FOXO3: variants seen among roughly 807,000 people sequenced by gnomAD.
FOXO3 encodes forkhead box protein O3.
A neutral mutation model predicts 41.9 loss-of-function variants in FOXO3; 4 were observed. The observed-to-expected ratio is 0.10, with a 90% CI of 0.05 to 0.22. FOXO3 has a LOEUF of 0.22. Ranked by LOEUF, FOXO3 falls within the 10% of genes least tolerant of loss-of-function variation. FOXO3 has a pLI of 1.00. For synonymous variants in FOXO3, 318 were observed against 389.3 expected, an observed-to-expected ratio of 0.82 and a Z score of 2.16; for missense variants, 534 against 906.8, an observed-to-expected ratio of 0.59 and a Z score of 5.28.
intron 1 of FOXO3, among the ~76,000 whole-genome samples, chr6:108,630,437 G>C (rs1777934063): frequency 6.6e-6 from 1 of 152,156 alleles, no homozygotes; most frequent in South Asian, 2.1e-4. Context: ...GTATGTCTTT[G>C]TGGCTGTGAG....
At chr6:108,574,152 CA>C (rs1200932714) in intron 1 of FOXO3, among the ~76,000 whole-genome samples, 507 of 72,798 alleles carry the variant, frequency 7.0e-3, no homozygotes, top group Middle Eastern at 0.023. Flanking sequence ...GACTCTGTCT[CA>C]AAAAAAAAAA....
chr6:108,647,603 A>G (rs1164739834), intron 1 of FOXO3, among the ~76,000 whole-genome samples: 1 of 152,218 alleles, frequency 6.6e-6, no homozygotes, highest in East Asian at 1.9e-4. Flanking sequence ...ATCAAAGAGC[A>G]CATTATTTGA....
rs527443373 is a variant in FOXO3 at position 108,682,896 on chromosome 6, A to C, written c.*3104A>C. 6.5e-6 allele frequency: 1 copy of C among 152,760 alleles called. No homozygotes were observed. Among genetic ancestry groups the C allele is most frequent in the African/African-American group, 2.4e-5 (1 of 41,582 alleles). 9.5% of individuals were successfully genotyped at this position (152,760 alleles called of 1,614,324 possible). On this transcript the variant is annotated 3_prime_UTR_variant, in exon 3 of 3. Transcript: ENST00000406360. Reference sequence around the variant, plus strand: ...TTGATGAGAAATTAGAAGAGTACCTAATGTTGAAAACATGACATGCGCTCT... The same window carrying C: ...TTGATGAGAAATTAGAAGAGTACCTCATGTTGAAAACATGACATGCGCTCT...
chr6:108,619,557 G>C (rs1005853140), intron 1 of FOXO3, among the ~76,000 whole-genome samples: 5 of 152,170 alleles, frequency 3.3e-5, no homozygotes, highest in African/African-American at 1.2e-4. Flanking sequence ...AACTGAAAGT[G>C]GAATATAGTG....
chr6:108,563,724 A>C (rs955245666), intron 1 of FOXO3, among the ~76,000 whole-genome samples: 1 of 152,258 alleles, frequency 6.6e-6, no homozygotes, highest in Non-Finnish European at 1.5e-5. Flanking sequence ...AGGTTACAAA[A>C]ATAATTTAAT....
intron 1 of FOXO3, among the ~76,000 whole-genome samples, chr6:108,635,266 G>A (rs1403468746): frequency 6.6e-6 from 1 of 152,012 alleles, no homozygotes; most frequent in Non-Finnish European, 1.5e-5. Flanking sequence ...CTGTACTGTG[G>A]CCTGGGCAAC....
At chr6:108,609,307 A>G (rs953171440) in intron 1 of FOXO3, among the ~76,000 whole-genome samples, 2 of 152,286 alleles carry the variant, frequency 1.3e-5, no homozygotes, top group African/African-American at 4.8e-5. Context: ...GACAGATTTC[A>G]CTTTGTTCCT....
chr6:108,617,245 G>T (rs1376493040), intron 1 of FOXO3, among the ~76,000 whole-genome samples: 1 of 152,124 alleles, frequency 6.6e-6, no homozygotes, highest in Non-Finnish European at 1.5e-5. Flanking sequence ...CTAGTTCAGT[G>T]CCCTTGTCTG....
intron 2 of FOXO3, among the ~76,000 whole-genome samples, chr6:108,671,156 C>T (rs1044638175): frequency 1.3e-5 from 2 of 152,208 alleles, no homozygotes; most frequent in African/African-American, 4.8e-5. Context: ...GGTTCTGTTC[C>T]ATTATCACAT....
intron 1 of FOXO3, among the ~76,000 whole-genome samples, chr6:108,612,691 TAAAAA>T (rs1011671533): frequency 2.7e-4 from 40 of 150,420 alleles, no homozygotes; most frequent in African/African-American, 9.1e-4. Flanking sequence ...AAAAAAAAAA[TAAAAA>T]AAAAATTTTT....
At chr6:108,621,259 A>G in intron 1 of FOXO3, among the ~76,000 whole-genome samples, 1 of 152,138 alleles carries the variant, frequency 6.6e-6, no homozygotes, top group South Asian at 2.1e-4. Flanking sequence ...GAGGAACAGC[A>G]GTTCATTCAG....
chr6:108,639,495 C>T (rs1353669007), intron 1 of FOXO3: 2 of 955,530 alleles, frequency 2.1e-6, no homozygotes, highest in South Asian at 4.8e-5. Flanking sequence ...GCCCTCAGAA[C>T]GCATTCCCTG....
At chr6:108,646,888 A>G (rs1245848123) in intron 1 of FOXO3, among the ~76,000 whole-genome samples, 1 of 152,216 alleles carries the variant, frequency 6.6e-6, no homozygotes, top group Non-Finnish European at 1.5e-5. Flanking sequence ...CTCCAACATA[A>G]AAGAAAGAGA....
rs1338783229 is a variant in FOXO3 at position 108,664,859 on chromosome 6, A to G, written c.*4A>G. The G allele has an allele frequency of 4.9e-5, 77 of 1,586,918 alleles. No individual in the cohort carries two copies. The highest frequency in any genetic ancestry group is 6.4e-5 in the Non-Finnish European group (75 of 1,167,022). ...TCAGAGCTGGGTGCCAGGCTGAAGG[A>G]TCACTGAGGAAGGGGAAGTGGGCAA... On this transcript the variant is annotated 3_prime_UTR_variant, in exon 2 of 3. Transcript: ENST00000406360.
chr6:108,596,807 A>C (rs917804684), intron 1 of FOXO3, among the ~76,000 whole-genome samples: 1 of 152,238 alleles, frequency 6.6e-6, no homozygotes, highest in African/African-American at 2.4e-5. Flanking sequence ...ACTGAAGCCC[A>C]TAAGTCCTGC....
chr6:108,662,542 T>A (rs1204931782), intron 1 of FOXO3, among the ~76,000 whole-genome samples: 1 of 152,246 alleles, frequency 6.6e-6, no homozygotes, highest in Admixed American at 6.5e-5. Context: ...TTCTTATGTC[T>A]GCAAGAGTTA....
rs4946928 is a variant in FOXO3 at position 108,612,691 on chromosome 6, T to A, written c.622-50764T>A. On this transcript the variant is annotated intron_variant, in intron 1 of 2. Transcript: ENST00000406360. ...GCGAAACTCTGTCTCAAAAAAAAAA[T>A]AAAAAAAAAATTTTTTTTCTTCCTT... Among the ~76,000 whole-genome samples, 1,354 of 150,510 alleles carry A rather than the reference T, an allele frequency of 9.0e-3. 20 individuals carry two copies. Among genetic ancestry groups the A allele is most frequent in the African/African-American group, 0.03 (1,235 of 40,964 alleles).
At chr6:108,611,807 T>C (rs1777372693) in intron 1 of FOXO3, among the ~76,000 whole-genome samples, 1 of 152,180 alleles carries the variant, frequency 6.6e-6, no homozygotes, top group Admixed American at 6.5e-5. Flanking sequence ...TTTTTCTTGT[T>C]TGTGGATTGC....
intron 1 of FOXO3, among the ~76,000 whole-genome samples, chr6:108,577,048 A>T (rs1299421092): frequency 6.6e-6 from 1 of 152,058 alleles, no homozygotes; most frequent in African/African-American, 2.4e-5. Context: ...TTACTTCTTT[A>T]ATCTCTTCCC....
Sources: allele counts gnomAD v4.1 joint callset (sites outside exome capture counted in the v4.1 genomes callset), GRCh38; gene constraint gnomAD v4.1.1; transcripts MANE v1.5; gene names NCBI Gene and HGNC (gene_info 2026-07-23, HGNC 2026-07-21).